TRIP10: variants seen among roughly 807,000 people sequenced by gnomAD.
TRIP10 encodes cdc42-interacting protein 4.
A neutral mutation model predicts 80.9 loss-of-function variants in TRIP10; 54 were observed. The observed-to-expected ratio is 0.67, with a 90% CI of 0.54 to 0.84. The LOEUF (loss-of-function observed/expected upper bound fraction) is 0.84, where lower values mean the gene tolerates loss of function less well. TRIP10 is among the 40% of genes least tolerant of loss of function. The pLI, the probability that TRIP10 is intolerant of heterozygous loss-of-function variation, is 0.00. For missense variants in TRIP10, 773 were observed against 815.3 expected, an observed-to-expected ratio of 0.95 and a Z score of 0.63; for synonymous variants, 321 against 307.2, an observed-to-expected ratio of 1.04 and a Z score of -0.47.
At position 6,750,026 on chromosome 19, in the gene TRIP10, G is replaced by C. The variant is rs754304636; in HGVS notation, c.1355G>C (p.Ser452Thr). 3.1e-6 allele frequency: 5 copies of C among 1,610,084 alleles called. No homozygotes were observed. The highest frequency in any genetic ancestry group is 4.2e-6 in the Non-Finnish European group (5 of 1,178,508). The change falls in exon 12 of 15, where the codon AGC becomes ACC. Residue 452 changes from serine to threonine, a missense_variant. Ser to Thr is a moderately conservative substitution (Grantham distance 58, BLOSUM62 1). Coordinates refer to ENST00000313244, the MANE Select transcript of TRIP10 (RefSeq NM_001288962.2). ...GAGCCCCAGATCGCTGAAACCCTGA[G>C]CAACATTGAACGGCTGAAATTGGAA... ...SLEPQIAETL[S>T]NIERLKLEVQ... is the part of the protein sequence containing the mutation.
chr19:6,746,840 C>A lies in TRIP10; in HGVS notation c.1262+279C>A, dbSNP rs1204037240. On this transcript the variant is annotated intron_variant, in intron 11 of 14. Transcript: ENST00000313244. This position sits in a 1 kb window ranked among gnomAD's most constrained non-coding sequence, Gnocchi z 6.2. ...TATATTTTTAGTAGAGGCGGGGTTT[C>A]CCCATATTAGCCAGGCTGTCTTGAA... 6.6e-6 allele frequency among the ~76,000 whole-genome samples: 1 copy of A among 152,024 alleles called. No homozygotes were observed. Among genetic ancestry groups the A allele is most frequent in the Admixed American group, 6.5e-5 (1 of 15,270 alleles).
Position 6,751,522 on chromosome 19 carries a change from G to C in TRIP10, c.*311G>C. ...GAAATTATATAAAGTTCCTAGAGTC[G>C]GTGTCTTATTAGAGGATTTAAATAC... On this transcript the variant is annotated 3_prime_UTR_variant, in exon 15 of 15. Transcript: ENST00000313244. The C allele has an allele frequency of 1.9e-6, 1 of 522,844 alleles. No homozygotes were observed. The highest frequency in any genetic ancestry group is 3.0e-6 in the Non-Finnish European group (1 of 333,216). 32.4% of individuals were successfully genotyped at this position (522,844 alleles called of 1,614,324 possible).
Position 6,750,373 on chromosome 19 carries a change from C to G in TRIP10, c.1477C>G (p.Pro493Ala), listed in dbSNP as rs374758864. The change falls in exon 13 of 15, where the codon CCC (proline) becomes GCC (alanine). Residue 493 changes from proline (P) to alanine (A), a missense_variant. By Grantham distance (27) the Pro-to-Ala change is conservative (BLOSUM62 -1). Transcript: ENST00000313244. ...CCGGCACGCCCGGCCTCCCGACCCC[C>G]CCGCTAGCGCCCCGCCAGACAGCAG... ...LSRHARPPDPPASAPPDSSSN... is the reference protein window; with the variant it reads ...LSRHARPPDPAASAPPDSSSN... The G allele has an allele frequency of 1.2e-5, 20 of 1,613,918 alleles. No homozygotes were observed. The highest frequency in any genetic ancestry group is 3.3e-5 in the Admixed American group (2 of 60,000).
chr19:6,742,919 G>A (rs762691898), intron 3 of TRIP10, 48 bp from the exon 4 acceptor site: 51 of 1,603,764 alleles, frequency 3.2e-5, no homozygotes, highest in Middle Eastern at 2.0e-4. Flanking sequence ...CAGCCTGCTC[G>A]GGAGGAGGGG....
rs1968967118 is a variant in TRIP10, at chr19:6,742,975, A to C, written c.206A>C (p.Gln69Pro). The change falls in exon 4 of 15, where the codon CAG becomes CCG. Residue 69 changes from glutamine to proline, a missense_variant. Transcript: ENST00000313244. Reference protein sequence around the residue: ...AKDDPESKFSQQQSFVQILQE... With the variant: ...AKDDPESKFSPQQSFVQILQE... ...TTCTCATCCAACCCCAGATTCAGCC[A>C]GCAACAGTCCTTCGTACAGATTCTC... The C allele has an allele frequency of 1.2e-6, 2 of 1,613,916 alleles. No individual in the cohort carries two copies. Among genetic ancestry groups the C allele is most frequent in the Non-Finnish European group, 1.7e-6 (2 of 1,180,002 alleles).
chr19:6,746,481 G>A lies in TRIP10; in HGVS notation c.1182G>A (p.Leu394=), dbSNP rs752074519. The change falls in exon 11 of 15, where the codon TTG becomes TTA. Residue 394 remains leucine, a synonymous_variant. Coordinates refer to ENST00000313244, the MANE Select transcript of TRIP10 (RefSeq NM_001288962.2). This position sits in a 1 kb window ranked among gnomAD's most constrained non-coding sequence, Gnocchi z 6.2. The part of the protein sequence containing the change: ...GTVVTEDFSH[L]PPEQQRKRLQ... ...TGGTGACCGAGGATTTTAGCCACTTGCCCCCAGAGCAGCAGCGAAAACGGC... is the reference window on the plus strand; with the variant it reads ...TGGTGACCGAGGATTTTAGCCACTTACCCCCAGAGCAGCAGCGAAAACGGC... 2.6e-5 allele frequency: 42 copies of A among 1,613,974 alleles called. No individual in the cohort carries two copies. In the South Asian group the frequency reaches 4.5e-4, roughly 17 times the overall value.
rs1429844023 is a variant in TRIP10 at position 6,746,098 on chromosome 19, C to T, written c.1054C>T (p.Pro352Ser). 1 of 1,545,088 alleles carries T rather than the reference C, an allele frequency of 6.5e-7. No individual in the cohort carries two copies. The highest frequency in any genetic ancestry group is 2.0e-5 in the Admixed American group (1 of 50,054). ...GGCATTGCCTAACGGACCCCCGTCC[C>T]CCCGCTCCGGCCGTGACCCCTTGGC... ...PSALPNGPPS[P>S]RSGRDPLAIL... Residue 352 changes from proline to serine, a missense_variant, in exon 10 of 15, where the codon CCC becomes TCC. Physicochemically the swap from Pro to Ser is moderately conservative, Grantham distance 74 (BLOSUM62 -1). Transcript: ENST00000313244. This position sits in a 1 kb window ranked among gnomAD's most constrained non-coding sequence, Gnocchi z 6.2.
rs199740957 is a variant in TRIP10 at position 6,744,949 on chromosome 19, G to A, written c.939G>A (p.Pro313=). ...ATGGACGGCCTGAACTCCGAGGCCC[G>A]GGTCGCAGCCGCACCAAGCGCTGGC... The part of the protein sequence containing the change: ...PSDGRPELRG[P]GRSRTKRWPF... The change falls in exon 9 of 15, where the codon CCG becomes CCA. Residue 313 remains proline, a synonymous_variant. Coordinates refer to ENST00000313244, the MANE Select transcript of TRIP10 (RefSeq NM_001288962.2). This position sits in a 1 kb window ranked among gnomAD's most constrained non-coding sequence, Gnocchi z 4.9. 4.5e-5 allele frequency: 72 copies of A among 1,613,880 alleles called. No homozygotes were observed. Among genetic ancestry groups the A allele is most frequent in the African/African-American group, 8.0e-5 (6 of 74,938 alleles).
In TRIP10 at chr19:6,746,308, C is replaced by T. The variant is rs1464502392; in HGVS notation, c.1152+112C>T. 6.7e-7 allele frequency: 1 copy of T among 1,494,502 alleles called. No individual in the cohort carries two copies. Among genetic ancestry groups the T allele is most frequent in the Non-Finnish European group, 9.0e-7 (1 of 1,114,632 alleles). 92.6% of individuals were successfully genotyped at this position (1,494,502 alleles called of 1,614,324 possible). A position where few individuals can be genotyped will look rare whatever the true frequency, so the allele number is the denominator to read the frequency against. ...TGGCTGGGCCCCTCTTCCCTGGTTG[C>T]CCAACCCAGACCTGCTTTGCTCTGT... On this transcript the variant is annotated intron_variant, in intron 10 of 14. Transcript: ENST00000313244. This position sits in a 1 kb window ranked among gnomAD's most constrained non-coding sequence, Gnocchi z 6.2.
rs775416433 is a variant in TRIP10, at chr19:6,746,434, C to A, written c.1153-18C>A. The stretch of plus-strand genomic sequence containing the variant: ...TAGACTCCTTGATCCCAAATTCAGC[C>A]CTCTACCCACCTTGCAGACAGTGGT... On this transcript the variant is annotated intron_variant, in intron 10 of 14. Coordinates refer to ENST00000313244, the MANE Select transcript of TRIP10 (RefSeq NM_001288962.2). This position sits in a 1 kb window ranked among gnomAD's most constrained non-coding sequence, Gnocchi z 6.2. The A allele has an allele frequency of 2.5e-6, 4 of 1,613,616 alleles. No homozygotes were observed. The South Asian group carries it at 4.4e-5, about 18-fold the overall frequency.
At position 6,751,285 on chromosome 19, in the gene TRIP10, A is replaced by G; in HGVS notation, c.*74A>G. ...CCACGGGGAGCCCCAGGACCTATGCACTTTATTTCTGACCCCGTGGCTTCG... is the reference window on the plus strand; with the variant it reads ...CCACGGGGAGCCCCAGGACCTATGCGCTTTATTTCTGACCCCGTGGCTTCG... On this transcript the variant is annotated 3_prime_UTR_variant, in exon 15 of 15. Coordinates refer to ENST00000313244, the MANE Select transcript of TRIP10 (RefSeq NM_001288962.2). 2 of 1,604,334 alleles carry G rather than the reference A, an allele frequency of 1.2e-6. No individual in the cohort carries two copies. Among genetic ancestry groups the G allele is most frequent in the Non-Finnish European group, 1.7e-6 (2 of 1,174,328 alleles).
rs1279076491 is a variant in TRIP10, at chr19:6,743,297, T to G, written c.408+41T>G. The G allele has an allele frequency of 2.5e-6, 4 of 1,610,020 alleles. No homozygotes were observed. In the African/African-American group the frequency reaches 5.3e-5, roughly 22 times the overall value. ...TAGCAGTGACTGTGGCCCGGAGGCATGGGGGCAGGGTTGCGGATCCGGAGT... is the reference window on the plus strand; with the variant it reads ...TAGCAGTGACTGTGGCCCGGAGGCAGGGGGGCAGGGTTGCGGATCCGGAGT... On this transcript the variant is annotated intron_variant, in intron 5 of 14. Coordinates refer to ENST00000313244, the MANE Select transcript of TRIP10 (RefSeq NM_001288962.2).
At position 6,742,908 on chromosome 19, in the gene TRIP10, T is replaced by A; in HGVS notation, c.198-59T>A. 4 of 1,595,208 alleles carry A rather than the reference T, an allele frequency of 2.5e-6. No homozygotes were observed. In the South Asian group the frequency reaches 3.4e-5, roughly 14 times the overall value. On this transcript the variant is annotated intron_variant, in intron 3 of 14. Coordinates refer to ENST00000313244, the MANE Select transcript of TRIP10 (RefSeq NM_001288962.2). ...CCACCTGGAGGTGCGTCCTGGGGCA[T>A]CAGCCTGCTCGGGAGGAGGGGCCTG...
intron 1 of TRIP10, chr19:6,740,783 G>A (rs1968891162): frequency 1.8e-6 from 1 of 544,580 alleles, no homozygotes; most frequent in African/African-American, 1.9e-5. Context: ...CTCCCGGCCG[G>A]GGTGGCTGGG....
chr19:6,740,540 T>C (rs1254432513), intron 1 of TRIP10: 5 of 165,234 alleles, frequency 3.0e-5, no homozygotes, highest in East Asian at 3.5e-4. Flanking sequence ...GTGGGGTAAA[T>C]TGAGTCACCC....
chr19:6,743,385 T>C, intron 5 of TRIP10, 109 bp from the exon 6 acceptor site: 1 of 1,521,322 alleles, frequency 6.6e-7, no homozygotes, highest in African/African-American at 1.4e-5. Flanking sequence ...CAGTACTCCC[T>C]TGACCCCTAC....
chr19:6,745,516 CCT>C lies in TRIP10; in HGVS notation c.985-509_985-508del. 3 of 960,518 alleles carry C rather than the reference CCT, an allele frequency of 3.1e-6. No individual in the cohort carries two copies. Among genetic ancestry groups the C allele is most frequent in the Non-Finnish European group, 2.5e-6 (2 of 807,356 alleles). The allele number at this position is 960,518 out of a possible 1,614,324, so 59.5% of individuals were successfully genotyped here. On this transcript the variant is annotated intron_variant, in intron 9 of 14. Transcript: ENST00000313244. This position sits in a 1 kb window ranked among gnomAD's most constrained non-coding sequence, Gnocchi z 7.2. The stretch of plus-strand genomic sequence containing the variant: ...GCTTAAACTTCTGATGCCCCTAACC[CCT>C]CTCATTTTCCTGCCTTCCACTCCCT...
At chr19:6,749,775 C>T (rs1049039781) in intron 11 of TRIP10, among the ~76,000 whole-genome samples, 159 bp from the exon 12 acceptor site, 3 of 151,986 alleles carry the variant, frequency 2.0e-5, no homozygotes, top group Non-Finnish European at 2.9e-5. Flanking sequence ...CACTTGAGCC[C>T]GGGAGGTTAA....
chr19:6,750,262 TG>T, intron 12 of TRIP10, 29 bp from the exon 13 acceptor site: 1 of 1,612,686 alleles, frequency 6.2e-7, no homozygotes, highest in Non-Finnish European at 8.5e-7. Context: ...AGCTCTGCCC[TG>T]GAACGATTTT....
Sources: allele counts gnomAD v4.1 joint callset (sites outside exome capture counted in the v4.1 genomes callset), GRCh38; gene constraint gnomAD v4.1.1; non-coding constraint Gnocchi (gnomAD v3.1); transcripts MANE v1.5; gene names NCBI Gene and HGNC (gene_info 2026-07-23, HGNC 2026-07-21).